The following ACYP2 variants were observed in gnomAD, a reference collection of about 807,000 sequenced individuals.
ACYP2 encodes the protein acylphosphatase 2, also known as acylphosphatase-2.
Under a neutral mutation model 11.2 loss-of-function variants are expected in ACYP2, and 12 were observed. That is an observed-to-expected ratio of 1.08 (90% CI 0.69 to 1.74). The LOEUF is 1.74. ACYP2 is among the 40% of genes most tolerant of loss of function. The pLI, the probability that ACYP2 is intolerant of heterozygous loss-of-function variation, is 0.00. For missense variants in ACYP2, 134 were observed against 101.9 expected (o/e 1.31, Z -1.35); for synonymous variants, 43 against 32.2 (o/e 1.33, Z -1.13).
chr2:54,035,831 G>C (rs1674870596), intron 2 of ACYP2, among the ~76,000 whole-genome samples: 1 of 152,170 alleles, frequency 6.6e-6, no homozygotes, highest in African/African-American at 2.4e-5. Flanking sequence ...CTAAGGACTT[G>C]AGAATGAGGA....
chr2:54,269,969 G>A (rs990310830), intron 6 of ACYP2, among the ~76,000 whole-genome samples: 16 of 151,962 alleles, frequency 1.1e-4, no homozygotes, highest in African/African-American at 3.6e-4. Flanking sequence ...TTTGTTTCCA[G>A]TTTTTTGCTA....
At chr2:54,167,034 C>G (rs1347474415) in intron 6 of ACYP2, 1 of 150,120 alleles carries the variant, frequency 6.7e-6, no homozygotes, top group Non-Finnish European at 1.5e-5. Flanking sequence ...TCAGGCAATT[C>G]CATTTGATCT....
chr2:54,092,037 C>A (rs1678262807), intron 4 of ACYP2, among the ~76,000 whole-genome samples: 1 of 152,028 alleles, frequency 6.6e-6, no homozygotes. Flanking sequence ...AGGAGGGAGA[C>A]TTTACAGAGC....
chr2:54,239,435 G>A (rs939789008), intron 6 of ACYP2, among the ~76,000 whole-genome samples: 3 of 152,132 alleles, frequency 2.0e-5, no homozygotes, highest in African/African-American at 7.2e-5. Context: ...AGAGCCTCCC[G>A]CTACTGCCCA....
rs58128669 is a variant in ACYP2, at chr2:54,050,547, GAAAAAAA to G, written c.63-399_63-393del. Among the ~76,000 whole-genome samples, 218 of 83,214 alleles carry G rather than the reference GAAAAAAA, an allele frequency of 2.6e-3. 2 individuals are homozygous for G. The highest frequency in any genetic ancestry group is 8.9e-3 in the African/African-American group (217 of 24,408). The allele number at this position is 83,214 out of a possible 152,430, so 54.6% of individuals were successfully genotyped here. ...GGTGATAGAGTGAAACCCCATCCCT[GAAAAAAA>G]AAAAAAAAAAAGAAAATAACTAAAG... On this transcript the variant is annotated intron_variant, in intron 2 of 6. Coordinates refer to ENST00000607452, the MANE Select transcript of ACYP2 (RefSeq NM_001320586.2).
At chr2:54,189,366 C>T (rs1684140911) in intron 6 of ACYP2, among the ~76,000 whole-genome samples, 1 of 152,116 alleles carries the variant, frequency 6.6e-6, no homozygotes, top group Admixed American at 6.6e-5. Context: ...TATTCTCTAA[C>T]TTTGTATATT....
At chr2:54,207,214 G>C (rs961852952) in intron 6 of ACYP2, among the ~76,000 whole-genome samples, 3 of 71,914 alleles carry the variant, frequency 4.2e-5, no homozygotes, top group Non-Finnish European at 1.1e-4. Context: ...TGTATAAAGA[G>C]AATGTGAGGA....
chr2:54,098,049 A>T (rs1453737702), intron 4 of ACYP2, among the ~76,000 whole-genome samples: 15 of 142,942 alleles, frequency 1.0e-4, no homozygotes, highest in Non-Finnish European at 6.1e-5. Flanking sequence ...TGCAATCTCC[A>T]CTTCCCAGGT....
intron 6 of ACYP2, among the ~76,000 whole-genome samples, chr2:54,162,251 A>T (rs906059772): frequency 6.6e-6 from 1 of 152,364 alleles, no homozygotes; most frequent in Non-Finnish European, 1.5e-5. Context: ...CAGGAGAGAA[A>T]GTCTCTGAGG....
At position 54,169,614 on chromosome 2, in the gene ACYP2, C is replaced by T. The variant is rs374398589; in HGVS notation, c.404+30866C>T. Among the ~76,000 whole-genome samples the T allele has an allele frequency of 5.3e-5, 8 of 152,272 alleles. No homozygotes were observed. The South Asian group carries it at 1.2e-3, about 24-fold the overall frequency. ...TGATGTAAGTCTAGCTACTACCTAC[C>T]AGCCATATCCATGTACTCTAGACAA... On this transcript the variant is annotated intron_variant, in intron 6 of 6. Coordinates refer to ENST00000607452, the MANE Select transcript of ACYP2 (RefSeq NM_001320586.2).
At chr2:54,166,636 A>T (rs867437381) in intron 6 of ACYP2, among the ~76,000 whole-genome samples, 2 of 152,202 alleles carry the variant, frequency 1.3e-5, no homozygotes, top group African/African-American at 4.8e-5. Flanking sequence ...GGATAAGATA[A>T]TCTCTGAATT....
chr2:54,032,541 C>G (rs1253402209), intron 2 of ACYP2, among the ~76,000 whole-genome samples: 6 of 152,120 alleles, frequency 3.9e-5, no homozygotes, highest in Non-Finnish European at 8.8e-5. Flanking sequence ...TTGTAGTATA[C>G]TTTGAAGTCA....
intron 6 of ACYP2, among the ~76,000 whole-genome samples, chr2:54,278,749 C>T (rs1573040567): frequency 6.6e-6 from 1 of 152,182 alleles, no homozygotes; most frequent in Non-Finnish European, 1.5e-5. Context: ...CATAATGAAA[C>T]ATACCTATTT....
chr2:54,052,462 A>T (rs1675920028), intron 3 of ACYP2, among the ~76,000 whole-genome samples: 1 of 152,174 alleles, frequency 6.6e-6, no homozygotes, highest in African/African-American at 2.4e-5. Flanking sequence ...GCACAGCACA[A>T]ATTATATATA....
chr2:54,255,470 G>C, intron 6 of ACYP2: 1 of 1,613,896 alleles, frequency 6.2e-7, no homozygotes, highest in Non-Finnish European at 8.5e-7. Context: ...CCAAACCTGC[G>C]CTCCACCTGC....
chr2:54,276,099 C>T (rs1319087594), intron 6 of ACYP2, among the ~76,000 whole-genome samples: 1 of 152,072 alleles, frequency 6.6e-6, no homozygotes, highest in Non-Finnish European at 1.5e-5. Flanking sequence ...CCCCGATAAT[C>T]ATTATTATCC....
intron 6 of ACYP2, chr2:54,256,276 A>C: frequency 9.5e-7 from 1 of 1,049,332 alleles, no homozygotes; most frequent in African/African-American, 1.6e-5. Context: ...CAGTCTCGCG[A>C]CACCCACCCC....
At chr2:54,115,635 A>T in intron 4 of ACYP2, 1 of 1,577,584 alleles carries the variant, frequency 6.3e-7, no homozygotes, top group Non-Finnish European at 8.6e-7. Context: ...TCCCTCTCGC[A>T]GCCGCCGCAG....
chr2:54,061,510 C>T (rs1353706110), intron 4 of ACYP2, among the ~76,000 whole-genome samples: 1 of 152,122 alleles, frequency 6.6e-6, no homozygotes, highest in Non-Finnish European at 1.5e-5. Flanking sequence ...TACTGGTGAA[C>T]CTTAGAGGGC....
Sources: gnomAD v4.1 joint callset for allele counts (sites outside exome capture counted in the v4.1 genomes callset) on GRCh38, gnomAD v4.1.1 for gene constraint, MANE v1.5 for transcripts, NCBI Gene and HGNC (gene_info 2026-07-23, HGNC 2026-07-21) for gene names.